Variants in DGKB observed in about 807,000 individuals in gnomAD.
DGKB encodes 90 kDa diacylglycerol kinase.
In DGKB, 67 loss-of-function variants were observed where a neutral mutation model predicts 114.3. That is an observed-to-expected ratio of 0.59 (90% CI 0.48 to 0.72). The LOEUF (loss-of-function observed/expected upper bound fraction) is 0.72. Ranked by LOEUF, DGKB falls within the 30% of genes least tolerant of loss-of-function variation. The probability of loss-of-function intolerance (pLI) is 0.00; values close to 1 mark genes in which losing one functional copy is unlikely to be tolerated. For synonymous variants in DGKB, 398 were observed against 323.1 expected (o/e 1.23, Z -2.49); for missense variants, 907 against 975.2 (o/e 0.93, Z 0.93).
chr7:14,215,256 A>G (rs948271567), intron 23 of DGKB, among the ~76,000 whole-genome samples: 2 of 152,148 alleles, frequency 1.3e-5, no homozygotes, highest in African/African-American at 4.8e-5. Flanking sequence ...AGGAACCTGT[A>G]GTATAGGCAT....
At chr7:14,606,594 T>A (rs1003154024) in intron 17 of DGKB, among the ~76,000 whole-genome samples, 3 of 148,904 alleles carry the variant, frequency 2.0e-5, no homozygotes. Context: ...CAACTGCCTT[T>A]TTTTTAAAAA....
intron 5 of DGKB, among the ~76,000 whole-genome samples, chr7:14,720,452 G>C (rs1174956456): frequency 6.6e-6 from 1 of 151,114 alleles, no homozygotes; most frequent in Non-Finnish European, 1.5e-5. Context: ...TTACTGGTGC[G>C]GGACACCACG....
At chr7:14,434,572 A>G (rs1828964027) in intron 21 of DGKB, among the ~76,000 whole-genome samples, 1 of 152,172 alleles carries the variant, frequency 6.6e-6, no homozygotes, top group Admixed American at 6.6e-5. Context: ...AGAGCCCCAG[A>G]AAGGAAAGCA....
chr7:14,329,996 T>G (rs563612577), intron 23 of DGKB, among the ~76,000 whole-genome samples: 1 of 151,982 alleles, frequency 6.6e-6, no homozygotes, highest in East Asian at 1.9e-4. Context: ...CAGAAACAAA[T>G]AAGATGATAA....
Position 14,178,165 on chromosome 7 carries a change from G to A in DGKB, c.2123-14C>T. The A allele has an allele frequency of 6.2e-7, 1 of 1,612,894 alleles. No individual in the cohort carries two copies. Among genetic ancestry groups the A allele is most frequent in the Non-Finnish European group, 8.5e-7 (1 of 1,179,652 alleles). On this transcript the variant is annotated splice_polypyrimidine_tract_variant and intron_variant, in intron 23 of 25. Transcript: ENST00000402815. ...GGTCACTGAGATCTGAAAGAAAGTA[G>A]ATGCCTTTTAAGTTGCAATGTGTAT...
chr7:14,369,124 T>C (rs150857097), intron 21 of DGKB, among the ~76,000 whole-genome samples: 2,558 of 151,778 alleles, frequency 0.017, 66 homozygotes, highest in African/African-American at 0.057. Flanking sequence ...CCTGTGTCCA[T>C]GTATTCTCAT....
intron 21 of DGKB, among the ~76,000 whole-genome samples, chr7:14,375,278 C>G (rs1818300998): frequency 6.6e-6 from 1 of 152,180 alleles, no homozygotes; most frequent in African/African-American, 2.4e-5. Flanking sequence ...TTTCTCTTTT[C>G]TCTTTTAGAT....
At chr7:14,740,988 T>A (rs577055549) in intron 4 of DGKB, among the ~76,000 whole-genome samples, 10 of 152,296 alleles carry the variant, frequency 6.6e-5, no homozygotes, top group Non-Finnish European at 1.3e-4. Context: ...TCTTTCTAGA[T>A]GAGTAGCCAT....
intron 21 of DGKB, among the ~76,000 whole-genome samples, chr7:14,454,370 A>C (rs1441776790): frequency 6.6e-6 from 1 of 152,026 alleles, no homozygotes; most frequent in Non-Finnish European, 1.5e-5. Context: ...TCTTTTATTG[A>C]CTAGGATTTT....
chr7:14,790,528 A>G (rs908221763), intron 2 of DGKB, among the ~76,000 whole-genome samples: 1 of 151,968 alleles, frequency 6.6e-6, no homozygotes, highest in Non-Finnish European at 1.5e-5. Context: ...TATTTATTTA[A>G]TGGATGTTCA....
At chr7:14,439,926 G>T (rs535238823) in intron 21 of DGKB, among the ~76,000 whole-genome samples, 14 of 150,290 alleles carry the variant, frequency 9.3e-5, no homozygotes, top group Admixed American at 7.9e-4. Flanking sequence ...TACTACTTGA[G>T]ATTGTCACTA....
At position 14,944,095 on chromosome 7, in the gene DGKB, AAATT is replaced by A. The variant is rs564604266; in HGVS notation, c.-188+30597_-188+30600del. ...ATAATATTTCATTCTATTACCTAAT[AAATT>A]AATTAGTGTTGTTTTGCTTATCCCA... On this transcript the variant is annotated intron_variant, in intron 1 of 4. Transcript: ENST00000437998. Among the ~76,000 whole-genome samples the A allele has an allele frequency of 2.3e-3, 350 of 151,986 alleles. 7 individuals are homozygous for A. Among genetic ancestry groups the A allele is most frequent in the Admixed American group, 0.018 (280 of 15,202 alleles).
intron 23 of DGKB, among the ~76,000 whole-genome samples, chr7:14,323,175 A>G (rs1308452397): frequency 6.6e-6 from 1 of 152,188 alleles, no homozygotes; most frequent in East Asian, 1.9e-4. Flanking sequence ...AAAATATGGA[A>G]TTTAAAAGGC....
At chr7:14,464,615 C>A (rs1833568663) in intron 21 of DGKB, among the ~76,000 whole-genome samples, 1 of 152,178 alleles carries the variant, frequency 6.6e-6, no homozygotes, top group Non-Finnish European at 1.5e-5. Flanking sequence ...TGTAGAGATG[C>A]TTGCTTGCAC....
chr7:14,356,234 G>T (rs1338412016), intron 21 of DGKB, among the ~76,000 whole-genome samples: 4 of 151,322 alleles, frequency 2.6e-5, no homozygotes, highest in Admixed American at 6.6e-5. Flanking sequence ...CCAGTTCCTG[G>T]ATTCATTTAT....
At chr7:14,373,292 C>T (rs113622919) in intron 21 of DGKB, among the ~76,000 whole-genome samples, 143 of 152,312 alleles carry the variant, frequency 9.4e-4, no homozygotes, top group African/African-American at 3.4e-3. Context: ...ATGTTTAAAA[C>T]ATTCACTAAT....
At chr7:14,313,722 C>T (rs1353951297) in intron 23 of DGKB, among the ~76,000 whole-genome samples, 4 of 152,140 alleles carry the variant, frequency 2.6e-5, no homozygotes, top group Non-Finnish European at 4.4e-5. Flanking sequence ...CCCGCCATTG[C>T]CCAGGCTTGC....
chr7:14,258,387 T>C (rs1796255865), intron 23 of DGKB, among the ~76,000 whole-genome samples: 1 of 152,230 alleles, frequency 6.6e-6, no homozygotes, highest in Non-Finnish European at 1.5e-5. Context: ...GTAAATAGTC[T>C]GGATTAAACA....
At chr7:14,351,744 G>C (rs6972310) in intron 21 of DGKB, among the ~76,000 whole-genome samples, 109,362 of 152,048 alleles carry the variant, frequency 0.72, 39,834 homozygotes, top group Middle Eastern at 0.83. Context: ...TTAGGTATTT[G>C]CTTGTAGAAA....
Sources: allele counts gnomAD v4.1 joint callset (sites outside exome capture counted in the v4.1 genomes callset), GRCh38; gene constraint gnomAD v4.1.1; transcripts MANE v1.5; gene names NCBI Gene and HGNC (gene_info 2026-07-23, HGNC 2026-07-21).